Variants in TMEM260 observed in about 807,000 individuals in gnomAD.
TMEM260 encodes transmembrane protein 260.
In TMEM260, 82 loss-of-function variants were observed where a neutral mutation model predicts 88.9. That is an observed-to-expected ratio of 0.92 (90% CI 0.77 to 1.11). The LOEUF (loss-of-function observed/expected upper bound fraction) is 1.11, where lower values mean the gene tolerates loss of function less well. Ranked by LOEUF, TMEM260 falls within the 50% of genes least tolerant of loss-of-function variation. The probability of loss-of-function intolerance (pLI) is 0.00; values close to 1 mark genes in which losing one functional copy is unlikely to be tolerated. For synonymous variants in TMEM260, 314 were observed against 309.3 expected (o/e 1.02, Z -0.16); for missense variants, 902 against 853.4 (o/e 1.06, Z -0.71).
intron 1 of TMEM260, among the ~76,000 whole-genome samples, chr14:56,581,751 C>T (rs1235815237): frequency 6.6e-6 from 1 of 152,136 alleles, no homozygotes. Flanking sequence ...CTAAGCTATG[C>T]CCAAAGTCAC....
intron 13 of TMEM260, among the ~76,000 whole-genome samples, chr14:56,634,138 A>G (rs554549145): frequency 1.2e-4 from 19 of 152,340 alleles, no homozygotes; most frequent in African/African-American, 4.3e-4. Context: ...GAAAAATCAA[A>G]TGGCTTGGCC....
At chr14:56,619,407 A>G (rs1396644246) in intron 10 of TMEM260, 3 of 152,118 alleles carry the variant, frequency 2.0e-5, no homozygotes, top group African/African-American at 7.2e-5. Context: ...TCCTGGTCTC[A>G]AGCAAGCCTC....
chr14:56,595,624 C>T (rs79247258), intron 3 of TMEM260, among the ~76,000 whole-genome samples: 3,384 of 152,188 alleles, frequency 0.022, 135 homozygotes, highest in African/African-American at 0.077. Flanking sequence ...GGACTACAGG[C>T]ATGTGCACCA....
At chr14:56,618,341 C>G (rs1036395894) in intron 9 of TMEM260, among the ~76,000 whole-genome samples, 3 of 152,168 alleles carry the variant, frequency 2.0e-5, no homozygotes, top group Non-Finnish European at 4.4e-5. Flanking sequence ...GAGTTCAAGA[C>G]TAAGGCCACA....
At chr14:56,592,863 C>T (rs889075479) in intron 3 of TMEM260, among the ~76,000 whole-genome samples, 3 of 152,100 alleles carry the variant, frequency 2.0e-5, no homozygotes, top group African/African-American at 4.8e-5. Context: ...GTGTACCTTC[C>T]GTGTTGGGTT....
intron 3 of TMEM260, among the ~76,000 whole-genome samples, 166 bp from the exon 4 acceptor site, chr14:56,603,649 A>T (rs1269117527): frequency 6.6e-6 from 1 of 152,228 alleles, no homozygotes; most frequent in Non-Finnish European, 1.5e-5. Flanking sequence ...TTCCTAATTA[A>T]AATCTGTTGA....
At chr14:56,653,159 G>A (rs1319282087), downstream of TMEM260, among the ~76,000 whole-genome samples, 2 of 151,924 alleles carry the variant, frequency 1.3e-5, no homozygotes, top group East Asian at 1.9e-4. Context: ...GCCAGGCATG[G>A]TGGCGGGCTC....
At chr14:56,624,226 T>G (rs1888100193) in intron 11 of TMEM260, among the ~76,000 whole-genome samples, 1 of 152,170 alleles carries the variant, frequency 6.6e-6, no homozygotes, top group African/African-American at 2.4e-5. Context: ...TAATGGCTAT[T>G]TTGTCTAGGT....
At chr14:56,633,551 C>G (rs544984700) in intron 13 of TMEM260, 1 of 155,396 alleles carries the variant, frequency 6.4e-6, no homozygotes, top group East Asian at 1.9e-4. Context: ...ATGATAGTTT[C>G]CATATGCACA....
At chr14:56,617,081 A>AATGG in intron 8 of TMEM260, 102 bp from the exon 9 acceptor site, 1 of 639,184 alleles carries the variant, frequency 1.6e-6, no homozygotes, top group Non-Finnish European at 2.4e-6. Flanking sequence ...CCTAGTTAAA[A>AATGG]ATGGAAAGTT....
At chr14:56,643,765 T>C (rs1020983777) in intron 15 of TMEM260, among the ~76,000 whole-genome samples, 3 of 152,184 alleles carry the variant, frequency 2.0e-5, no homozygotes, top group African/African-American at 4.8e-5. Flanking sequence ...AAAACCCCAC[T>C]GTCTCAGCCC....
downstream of TMEM260, among the ~76,000 whole-genome samples, chr14:56,651,265 G>A (rs1358887821): frequency 6.6e-6 from 1 of 151,948 alleles, no homozygotes; most frequent in Non-Finnish European, 1.5e-5. Flanking sequence ...GAATAGTACA[G>A]TGTGCTTACT....
chr14:56,579,794 G>A (rs1253067989), upstream of TMEM260: 3 of 985,632 alleles, frequency 3.0e-6, no homozygotes, highest in Non-Finnish European at 3.9e-6. Context: ...ACCCGCGGAG[G>A]CTCGACCCGG....
In TMEM260 at chr14:56,633,087, T is replaced by A; in HGVS notation, c.1640T>A (p.Leu547Ter). Residue 547 changes from leucine to a stop codon, truncating the protein, a stop_gained, in exon 13 of 16, where the codon TTA (leucine) becomes TAA (stop). Transcript: ENST00000261556. LOFTEE classifies it high-confidence loss of function. ...SLWPWGSCDK[L>*]VPLEIVFNPE... ...TGGCCATGGGGGTCTTGTGACAAAT[T>A]AGTTCCTTTGGAGATTGTATTCAAC... 1 of 1,613,906 alleles carries A rather than the reference T, an allele frequency of 6.2e-7. No homozygotes were observed. Among genetic ancestry groups the A allele is most frequent in the Non-Finnish European group, 8.5e-7 (1 of 1,179,888 alleles).
At chr14:56,628,612 C>G (rs764994504) in intron 12 of TMEM260, among the ~76,000 whole-genome samples, 1 of 151,888 alleles carries the variant, frequency 6.6e-6, no homozygotes, top group Non-Finnish European at 1.5e-5. Flanking sequence ...TTGTACTTTT[C>G]GCTGTCTATA....
At chr14:56,638,504 A>G (rs1453337986) in intron 15 of TMEM260, among the ~76,000 whole-genome samples, 2 of 152,168 alleles carry the variant, frequency 1.3e-5, no homozygotes, top group Non-Finnish European at 1.5e-5. Context: ...GTTGTTTGTT[A>G]GGCTACTACT....
intron 1 of TMEM260, among the ~76,000 whole-genome samples, chr14:56,582,081 T>C (rs1459750679): frequency 1.3e-5 from 2 of 152,364 alleles, no homozygotes; most frequent in Admixed American, 6.5e-5. Context: ...TAAACTGTTT[T>C]CCAAGTATAT....
chr14:56,650,283 ACTGT>A (rs1316593829), downstream of TMEM260: 3 of 329,088 alleles, frequency 9.1e-6, no homozygotes, highest in African/African-American at 4.4e-5. Context: ...AGCCAGTGAA[ACTGT>A]CTGACTCTCC....
At chr14:56,616,200 T>G (rs1887584838) in intron 8 of TMEM260, 173 bp downstream of exon 8, 1 of 516,920 alleles carries the variant, frequency 1.9e-6, no homozygotes, top group Admixed American at 3.4e-5. Context: ...TGATTCTAAA[T>G]AAATCAATGA....
Sources: gnomAD v4.1 joint callset for allele counts (sites outside exome capture counted in the v4.1 genomes callset) on GRCh38, gnomAD v4.1.1 for gene constraint, MANE v1.5 for transcripts, NCBI Gene and HGNC (gene_info 2026-07-23, HGNC 2026-07-21) for gene names.